SEMA3D: variants seen among roughly 807,000 people sequenced by gnomAD.
SEMA3D encodes the protein semaphorin 3D.
SEMA3D carries 84 observed loss-of-function variants against 100.1 expected under a neutral mutation model. The observed-to-expected ratio is 0.84, with a 90% CI of 0.70 to 1.01. The LOEUF (loss-of-function observed/expected upper bound fraction) is 1.01. SEMA3D is among the 50% of genes least tolerant of loss of function. The pLI, the probability that SEMA3D is intolerant of heterozygous loss-of-function variation, is 0.00. For missense variants in SEMA3D, 875 were observed against 934.1 expected (o/e 0.94, Z 0.82); for synonymous variants, 312 against 320.7 (o/e 0.97, Z 0.29).
intron 1 of SEMA3D, among the ~76,000 whole-genome samples, chr7:85,168,142 C>G (rs1253571166): frequency 6.6e-6 from 1 of 151,722 alleles, no homozygotes; most frequent in Non-Finnish European, 1.5e-5. Context: ...ACCTGTGGCT[C>G]TTATTATTTT....
At chr7:85,201,960 C>T in the SEMA3D span, among the ~76,000 whole-genome samples, 3 of 151,894 alleles carry the variant, frequency 2.0e-5, no homozygotes, top group South Asian at 6.3e-4. Flanking sequence ...GCTCAAGTGA[C>T]CCTCTCACCT....
chr7:85,012,966 T>G, intron 16 of SEMA3D, 120 bp from the exon 17 acceptor site: 1 of 700,654 alleles, frequency 1.4e-6, no homozygotes, highest in South Asian at 1.8e-5. Flanking sequence ...ACAGTTCAAC[T>G]TAAATGCAAG....
intron 4 of SEMA3D, among the ~76,000 whole-genome samples, chr7:85,089,437 G>A (rs528086978): frequency 1.5e-4 from 20 of 134,614 alleles, no homozygotes; most frequent in African/African-American, 5.4e-4. Context: ...ATAATACTTC[G>A]CAATAAGTGC....
At chr7:85,244,704 C>T in the SEMA3D span, among the ~76,000 whole-genome samples, 1 of 140,356 alleles carries the variant, frequency 7.1e-6, no homozygotes, top group African/African-American at 2.6e-5. Context: ...ATGTACTGCA[C>T]AATCTTTTTT....
intron 1 of SEMA3D, chr7:85,157,735 A>G (rs942354990): frequency 7.9e-5 from 43 of 545,056 alleles, no homozygotes; most frequent in Middle Eastern, 9.3e-4. Flanking sequence ...CTCCTCAACA[A>G]CACCCAACAG....
At chr7:85,137,502 T>C (rs1202865608) in intron 2 of SEMA3D, among the ~76,000 whole-genome samples, 2 of 152,068 alleles carry the variant, frequency 1.3e-5, no homozygotes, top group Non-Finnish European at 2.9e-5. Flanking sequence ...CCTTTAATAA[T>C]GTACACGCTA....
At chr7:85,166,313 T>G (rs574928781) in intron 1 of SEMA3D, among the ~76,000 whole-genome samples, 1 of 152,128 alleles carries the variant, frequency 6.6e-6, no homozygotes, top group African/African-American at 2.4e-5. Flanking sequence ...TGGTTAGGGC[T>G]TATGATAAAA....
At chr7:85,189,371 C>A (rs537805422), upstream of SEMA3D, among the ~76,000 whole-genome samples, 1 of 152,046 alleles carries the variant, frequency 6.6e-6, no homozygotes, top group Non-Finnish European at 1.5e-5. Flanking sequence ...GTTTTAACAA[C>A]CCTTTCTAAG....
the SEMA3D span, among the ~76,000 whole-genome samples, chr7:85,238,780 G>T: frequency 6.6e-6 from 1 of 152,116 alleles, no homozygotes; most frequent in Non-Finnish European, 1.5e-5. Flanking sequence ...GATCACGTTG[G>T]GAAGAATTGG....
chr7:85,235,041 C>T, the SEMA3D span, among the ~76,000 whole-genome samples: 1 of 152,116 alleles, frequency 6.6e-6, no homozygotes, highest in Non-Finnish European at 1.5e-5. Flanking sequence ...TCATTAACCC[C>T]AACAAGATCT....
In SEMA3D at chr7:85,081,564, C is replaced by T. The variant is rs1170932447; in HGVS notation, c.328G>A (p.Ala110Thr). 3 of 1,611,498 alleles carry T rather than the reference C, an allele frequency of 1.9e-6. No individual in the cohort carries two copies. The highest frequency in any genetic ancestry group is 3.3e-5 in the Admixed American group (2 of 60,012). ...TTACATAATTCCACCCGTTCCTTTGCAGCAGGCCAATAAATCTGCAAAACA... is the reference window on the plus strand; with the variant it reads ...TTACATAATTCCACCCGTTCCTTTGTAGCAGGCCAATAAATCTGCAAAACA... ...KNFKKIYWPA[A>T]KERVELCKLA... The change falls in exon 5 of 19, where the codon GCA (alanine) becomes ACA (threonine). Residue 110 changes from alanine (A) to threonine (T), a missense_variant. Physicochemically the swap from Ala to Thr is moderately conservative, Grantham distance 58 (BLOSUM62 0). Coordinates refer to ENST00000284136, the MANE Select transcript of SEMA3D (RefSeq NM_001384900.1).
chr7:85,205,437 T>A, the SEMA3D span, among the ~76,000 whole-genome samples: 7 of 152,180 alleles, frequency 4.6e-5, no homozygotes, highest in African/African-American at 1.7e-4. Context: ...GTAGAATTAT[T>A]ATTTGTCAAT....
intron 18 of SEMA3D, among the ~76,000 whole-genome samples, chr7:85,004,984 T>C (rs1789753867): frequency 6.6e-6 from 1 of 151,882 alleles, no homozygotes; most frequent in Non-Finnish European, 1.5e-5. Context: ...CACAGAATTT[T>C]CAAGAAAATG....
chr7:85,097,746 GAGA>G lies in SEMA3D; in HGVS notation c.312+56_312+58del. The G allele has an allele frequency of 9.0e-6, 10 of 1,105,174 alleles. No individual in the cohort carries two copies. In the South Asian group the frequency reaches 1.2e-4, roughly 13 times the overall value. The allele number at this position is 1,105,174 out of a possible 1,614,324, so 68.5% of individuals were successfully genotyped here. On this transcript the variant is annotated intron_variant, in intron 4 of 18. Coordinates refer to ENST00000284136, the MANE Select transcript of SEMA3D (RefSeq NM_001384900.1). ...CTTAAAACAAAGCAAAACAAAACGG[GAGA>G]AGAAGAGAGATGAAAATAAATGAAT...
At chr7:85,240,489 G>A in the SEMA3D span, among the ~76,000 whole-genome samples, 1,599 of 152,138 alleles carry the variant, frequency 0.011, 20 homozygotes, top group African/African-American at 0.026. Flanking sequence ...TAATAGTAGA[G>A]CGATGGTTAC....
the SEMA3D span, among the ~76,000 whole-genome samples, chr7:85,207,849 T>C: frequency 3.4e-4 from 51 of 152,072 alleles, no homozygotes; most frequent in Non-Finnish European, 5.7e-4. Flanking sequence ...AGAGCTTACA[T>C]GGAGATAGGT....
At chr7:85,029,344 G>T in intron 12 of SEMA3D, 1 of 1,351,014 alleles carries the variant, frequency 7.4e-7, no homozygotes, top group African/African-American at 1.4e-5. Context: ...AGCTGAAGAT[G>T]AGAAGCAGAG....
intron 3 of SEMA3D, among the ~76,000 whole-genome samples, chr7:85,104,838 T>C (rs574831580): frequency 1.1e-4 from 17 of 151,892 alleles, no homozygotes; most frequent in African/African-American, 4.1e-4. Flanking sequence ...TTAAAGAACA[T>C]TTTATGAAAG....
At position 84,999,195 on chromosome 7, in the gene SEMA3D, T is replaced by G. The variant is rs1245340230; in HGVS notation, c.*245A>C. ...ACTCAAAACATAAAACATTTACAAC[T>G]GTAAACCCCCTATTTTTAGGATAAT... On this transcript the variant is annotated 3_prime_UTR_variant, in exon 19 of 19. Coordinates refer to ENST00000284136, the MANE Select transcript of SEMA3D (RefSeq NM_001384900.1). 1.0e-5 allele frequency: 5 copies of G among 501,408 alleles called. No individual in the cohort carries two copies. The highest frequency in any genetic ancestry group is 5.3e-4 in the Middle Eastern group (1 of 1,892). 31.1% of individuals were successfully genotyped at this position (501,408 alleles called of 1,614,324 possible).
Sources: allele counts gnomAD v4.1 joint callset (sites outside exome capture counted in the v4.1 genomes callset), GRCh38; gene constraint gnomAD v4.1.1; transcripts MANE v1.5; gene names NCBI Gene and HGNC (gene_info 2026-07-23, HGNC 2026-07-21).